Variants in LRRC28 observed in about 807,000 individuals in gnomAD.
LRRC28 encodes leucine rich repeat containing 28, also known as leucine-rich repeat-containing protein 28.
In LRRC28, 39 loss-of-function variants were observed where a neutral mutation model predicts 45.7. That is an observed-to-expected ratio of 0.85 (90% CI 0.66 to 1.12). The LOEUF is 1.12. Ranked by LOEUF, LRRC28 falls within the 50% of genes most tolerant of loss-of-function variation. The probability of loss-of-function intolerance (pLI) is 0.00; values close to 1 mark genes in which losing one functional copy is unlikely to be tolerated. For synonymous variants in LRRC28, 206 were observed against 178.8 expected (o/e 1.15, Z -1.22); for missense variants, 435 against 438.5 (o/e 0.99, Z 0.07).
Position 99,315,260 on chromosome 15 carries a change from G to A in LRRC28, c.386-18663G>A, listed in dbSNP as rs202184741. Reference sequence around the variant, plus strand: ...GCGATCAACAGACAGTAATATCTAGGTAACAGGAAAGTAAATTCATTTTAT... The same window carrying A: ...GCGATCAACAGACAGTAATATCTAGATAACAGGAAAGTAAATTCATTTTAT... On this transcript the variant is annotated intron_variant, in intron 5 of 9. Coordinates refer to ENST00000301981, the MANE Select transcript of LRRC28 (RefSeq NM_144598.5). Among the ~76,000 whole-genome samples, 8 of 152,002 alleles carry A rather than the reference G, an allele frequency of 5.3e-5. No homozygotes were observed. In the East Asian group the frequency reaches 1.5e-3, roughly 29 times the overall value.
intron 3 of LRRC28, chr15:99,285,634 C>A: frequency 1.5e-6 from 1 of 651,380 alleles, no homozygotes. Flanking sequence ...CATGGGCAGC[C>A]ACTGTGTACT....
chr15:99,290,800 C>G (rs1323379639), intron 5 of LRRC28, among the ~76,000 whole-genome samples: 1 of 151,538 alleles, frequency 6.6e-6, no homozygotes, highest in Non-Finnish European at 1.5e-5. Context: ...TACTAAAATC[C>G]AACAATAAAA....
chr15:99,360,327 A>G (rs1957167072), intron 7 of LRRC28, among the ~76,000 whole-genome samples: 1 of 151,800 alleles, frequency 6.6e-6, no homozygotes, highest in Non-Finnish European at 1.5e-5. Context: ...TATCTTTAAA[A>G]TCTCCCCTAA....
At chr15:99,347,075 T>G (rs1020604595) in intron 6 of LRRC28, among the ~76,000 whole-genome samples, 1 of 152,198 alleles carries the variant, frequency 6.6e-6, no homozygotes, top group Non-Finnish European at 1.5e-5. Context: ...CAGTACAAGT[T>G]TATTAACCAT....
At chr15:99,294,885 A>T (rs530007400) in intron 5 of LRRC28, among the ~76,000 whole-genome samples, 7 of 152,070 alleles carry the variant, frequency 4.6e-5, no homozygotes, top group Admixed American at 3.3e-4. Context: ...CTTGCCCCCA[A>T]CTCTGATCTA....
chr15:99,341,371 C>T (rs137934506), intron 6 of LRRC28, among the ~76,000 whole-genome samples: 3 of 152,230 alleles, frequency 2.0e-5, no homozygotes, highest in Admixed American at 6.5e-5. Flanking sequence ...GGATTACAGG[C>T]GTGAGCCACC....
chr15:99,372,531 T>G (rs199879534), intron 9 of LRRC28, among the ~76,000 whole-genome samples: 2 of 152,152 alleles, frequency 1.3e-5, no homozygotes, highest in East Asian at 3.8e-4. Flanking sequence ...TTGTAATAAC[T>G]CAGATTATTA....
chr15:99,264,332 C>T lies in LRRC28; in HGVS notation c.168+8207C>T, dbSNP rs191855328. Among the ~76,000 whole-genome samples, 9 of 152,292 alleles carry T rather than the reference C, an allele frequency of 5.9e-5. No homozygotes were observed. In the East Asian group the frequency reaches 1.7e-3, roughly 29 times the overall value. On this transcript the variant is annotated intron_variant, in intron 2 of 9. Coordinates refer to ENST00000301981, the MANE Select transcript of LRRC28 (RefSeq NM_144598.5). ...TCTACATAAGGAAAGGAATGTGGAACAGGGCTGTGGCATGTCTAGGCATAT... is the reference window on the plus strand; with the variant it reads ...TCTACATAAGGAAAGGAATGTGGAATAGGGCTGTGGCATGTCTAGGCATAT...
intron 6 of LRRC28, among the ~76,000 whole-genome samples, chr15:99,336,605 T>A (rs565719594): frequency 2.0e-4 from 30 of 152,324 alleles, no homozygotes; most frequent in African/African-American, 7.2e-4. Context: ...CAAGATTACC[T>A]GCTAGAGGCT....
intron 7 of LRRC28, chr15:99,355,549 A>AT (rs1248052562): frequency 6.6e-6 from 1 of 151,986 alleles, no homozygotes; most frequent in Non-Finnish European, 1.5e-5. Flanking sequence ...AATGATCTTT[A>AT]TTTTTTCTGG....
chr15:99,370,946 A>G (rs1046392378), intron 9 of LRRC28, among the ~76,000 whole-genome samples: 4 of 152,232 alleles, frequency 2.6e-5, no homozygotes, highest in African/African-American at 9.6e-5. Flanking sequence ...TAGAAATTAA[A>G]AATATTTTTA....
chr15:99,268,819 C>T (rs2081398228), intron 2 of LRRC28, among the ~76,000 whole-genome samples: 1 of 152,122 alleles, frequency 6.6e-6, no homozygotes, highest in South Asian at 2.1e-4. Flanking sequence ...TTTATAAAAT[C>T]ATACTTATGG....
chr15:99,337,183 G>T (rs1956353329), intron 6 of LRRC28, among the ~76,000 whole-genome samples: 1 of 152,164 alleles, frequency 6.6e-6, no homozygotes, highest in South Asian at 2.1e-4. Flanking sequence ...ACTCATTCCT[G>T]CCTTTCTTTC....
At chr15:99,313,942 A>C (rs1050343715) in intron 5 of LRRC28, among the ~76,000 whole-genome samples, 1 of 152,126 alleles carries the variant, frequency 6.6e-6, no homozygotes, top group South Asian at 2.1e-4. Context: ...AACCAAGAAA[A>C]GGCTGCAGAC....
At chr15:99,342,371 C>T (rs948784718) in intron 6 of LRRC28, among the ~76,000 whole-genome samples, 6 of 152,104 alleles carry the variant, frequency 3.9e-5, no homozygotes, top group African/African-American at 1.4e-4. Context: ...GTCTAACTTC[C>T]GTCATGGTGA....
At chr15:99,376,376 A>G (rs1032448443) in intron 9 of LRRC28, among the ~76,000 whole-genome samples, 6 of 152,240 alleles carry the variant, frequency 3.9e-5, no homozygotes, top group African/African-American at 9.6e-5. Context: ...TTAAACTTAA[A>G]TTGTTCTTCA....
In LRRC28 at chr15:99,385,746, GTT is replaced by G. The variant is rs796070388; in HGVS notation, c.1032-271_1032-270del. On this transcript the variant is annotated intron_variant, in intron 9 of 9. Transcript: ENST00000301981. The stretch of plus-strand genomic sequence containing the variant: ...GAAACGTAATGTGGAAAAGGCATTT[GTT>G]TTTTTTTTTTTTCTTAGTTTCTACT... Among the ~76,000 whole-genome samples the G allele has an allele frequency of 7.1e-5, 9 of 127,234 alleles. No homozygotes were observed. In the South Asian group the frequency reaches 1.8e-3, roughly 26 times the overall value. 83.5% of individuals were successfully genotyped at this position (127,234 alleles called of 152,430 possible).
chr15:99,375,757 T>C (rs1957610928), intron 9 of LRRC28, among the ~76,000 whole-genome samples: 2 of 152,142 alleles, frequency 1.3e-5, no homozygotes, highest in African/African-American at 4.8e-5. Flanking sequence ...TAGTATAAAG[T>C]TGTCCCTGGT....
intron 9 of LRRC28, among the ~76,000 whole-genome samples, chr15:99,369,942 C>T (rs149272018): frequency 1.4e-3 from 208 of 152,244 alleles, no homozygotes; most frequent in African/African-American, 4.0e-3. Context: ...TAAGCCATGG[C>T]GTGCAATGGA....
Sources: allele counts gnomAD v4.1 joint callset (sites outside exome capture counted in the v4.1 genomes callset), GRCh38; gene constraint gnomAD v4.1.1; transcripts MANE v1.5; gene names NCBI Gene and HGNC (gene_info 2026-07-23, HGNC 2026-07-21).